SHROOM3: variants seen among roughly 807,000 people sequenced by gnomAD.
SHROOM3 encodes protein Shroom3.
In SHROOM3, 47 loss-of-function variants were observed where a neutral mutation model predicts 138.6. The ratio of observed to expected loss-of-function variants is 0.34; its 90% CI spans 0.27 to 0.43. SHROOM3 has a LOEUF of 0.43. SHROOM3 is among the 20% of genes least tolerant of loss of function. The pLI is 1.00. For missense variants in SHROOM3, 2,491 were observed against 2,596.5 expected (o/e 0.96, Z 0.88); for synonymous variants, 1,062 against 1,063.3 (o/e 1.00, Z 0.02).
At chr4:76,463,554 C>T (rs919868092) in intron 1 of SHROOM3, among the ~76,000 whole-genome samples, 1 of 152,088 alleles carries the variant, frequency 6.6e-6, no homozygotes, top group Admixed American at 6.6e-5. Flanking sequence ...AAGGAGGAGC[C>T]CAATGTTAAT....
chr4:76,561,332 T>C (rs1392066739), intron 2 of SHROOM3, among the ~76,000 whole-genome samples: 1 of 151,982 alleles, frequency 6.6e-6, no homozygotes, highest in Non-Finnish European at 1.5e-5. Context: ...AAAAGAGAGA[T>C]TGAGGAGAAA....
intron 7 of SHROOM3, 120 bp from the exon 8 acceptor site, chr4:76,756,329 C>T (rs534393477): frequency 7.1e-5 from 84 of 1,181,904 alleles, no homozygotes; most frequent in Non-Finnish European, 9.7e-5. Context: ...TGGAAAGCTA[C>T]AGCCCTGATG....
intron 1 of SHROOM3, among the ~76,000 whole-genome samples, chr4:76,547,218 G>A (rs2110024081): frequency 6.6e-6 from 1 of 152,298 alleles, no homozygotes; most frequent in African/African-American, 2.4e-5. Context: ...TGTTACTTTA[G>A]GGACAAATGT....
chr4:76,451,215 G>T (rs1032655092), intron 1 of SHROOM3, among the ~76,000 whole-genome samples: 2 of 152,152 alleles, frequency 1.3e-5, no homozygotes, highest in African/African-American at 2.4e-5. Context: ...CTCCCAAAGT[G>T]CTGGGATTAC....
chr4:76,721,305 C>T (rs1195363742), intron 3 of SHROOM3, among the ~76,000 whole-genome samples: 3 of 149,710 alleles, frequency 2.0e-5, no homozygotes, highest in East Asian at 4.0e-4. Context: ...AGCGAGACTC[C>T]GTCTCAAAAA....
At chr4:76,674,538 T>TTTCC (rs1172634143) in intron 2 of SHROOM3, among the ~76,000 whole-genome samples, 2 of 150,172 alleles carry the variant, frequency 1.3e-5, no homozygotes, top group Non-Finnish European at 3.0e-5. Flanking sequence ...TCTTTCTTTC[T>TTTCC]TTCCTTCCTT....
intron 2 of SHROOM3, among the ~76,000 whole-genome samples, chr4:76,590,059 A>G (rs1219848956): frequency 1.3e-5 from 2 of 152,190 alleles, no homozygotes; most frequent in African/African-American, 2.4e-5. Flanking sequence ...TTCCCTGAGC[A>G]GTTCTCTCTG....
Position 76,726,228 on chromosome 4 carries a change from GTT to G in SHROOM3, c.456-4573_456-4572del, listed in dbSNP as rs1720700181. Among the ~76,000 whole-genome samples the G allele has an allele frequency of 2.7e-5, 4 of 150,798 alleles. No individual in the cohort carries two copies. In the South Asian group the frequency reaches 8.3e-4, roughly 31 times the overall value. ...TCTGTGAGACTCCCATACTTAACTT[GTT>G]TTCCTCCTCCTTCTGTGGAAGCTCC... On this transcript the variant is annotated intron_variant, in intron 3 of 10. Transcript: ENST00000296043.
chr4:76,507,799 C>T (rs1732244638), intron 1 of SHROOM3, among the ~76,000 whole-genome samples: 1 of 152,132 alleles, frequency 6.6e-6, no homozygotes, highest in Admixed American at 6.5e-5. Flanking sequence ...CAGCCTCGGC[C>T]TCCCAAAGTG....
chr4:76,616,919 G>A (rs1213966874), intron 2 of SHROOM3, among the ~76,000 whole-genome samples: 1 of 152,168 alleles, frequency 6.6e-6, no homozygotes, highest in Non-Finnish European at 1.5e-5. Context: ...AGTTAACATG[G>A]AACAGATAGT....
chr4:76,489,945 T>A (rs1269381949), intron 1 of SHROOM3, among the ~76,000 whole-genome samples: 1 of 152,152 alleles, frequency 6.6e-6, no homozygotes, highest in Non-Finnish European at 1.5e-5. Context: ...AAAACGAAAG[T>A]ACCCTCCACA....
intron 2 of SHROOM3, among the ~76,000 whole-genome samples, chr4:76,647,385 G>T (rs572070438): frequency 6.6e-6 from 1 of 152,082 alleles, no homozygotes; most frequent in Non-Finnish European, 1.5e-5. Context: ...ACAATGTATT[G>T]TGTATTTCAC....
At chr4:76,588,166 G>C (rs978122632) in intron 2 of SHROOM3, among the ~76,000 whole-genome samples, 1 of 152,080 alleles carries the variant, frequency 6.6e-6, no homozygotes, top group African/African-American at 2.4e-5. Flanking sequence ...CAAACCCCAC[G>C]TTTCATATTA....
At chr4:76,542,147 C>T (rs1472208108) in intron 1 of SHROOM3, among the ~76,000 whole-genome samples, 1 of 152,226 alleles carries the variant, frequency 6.6e-6, no homozygotes, top group African/African-American at 2.4e-5. Flanking sequence ...AGTCTACTTT[C>T]ATTCCCTCAA....
At chr4:76,537,947 G>A (rs1463147734) in intron 1 of SHROOM3, among the ~76,000 whole-genome samples, 4 of 152,196 alleles carry the variant, frequency 2.6e-5, no homozygotes, top group African/African-American at 9.6e-5. Flanking sequence ...TCCCTCTGTT[G>A]CCCAGGCTGG....
chr4:76,605,205 G>A (rs770968164), intron 2 of SHROOM3, among the ~76,000 whole-genome samples: 13 of 152,122 alleles, frequency 8.5e-5, no homozygotes, highest in East Asian at 1.9e-4. Flanking sequence ...CAATGTTGTC[G>A]GTGCAGCAGT....
rs1722769614 is a variant in SHROOM3 at position 76,782,898 on chromosome 4, T to C, written c.*3721T>C. 1 of 152,234 alleles carries C rather than the reference T, an allele frequency of 6.6e-6. No homozygotes were observed. The highest frequency in any genetic ancestry group is 1.5e-5 in the Non-Finnish European group (1 of 68,042). 9.4% of individuals were successfully genotyped at this position (152,234 alleles called of 1,614,324 possible). On this transcript the variant is annotated 3_prime_UTR_variant, in exon 11 of 11. Coordinates refer to ENST00000296043, the MANE Select transcript of SHROOM3 (RefSeq NM_020859.4). The stretch of plus-strand genomic sequence containing the variant: ...ATTTTAATATCAGAAAGGGTTGTCT[T>C]ATTAATTTTTAAATAAAACTTCACA...
At chr4:76,461,170 G>A (rs372709808) in intron 1 of SHROOM3, among the ~76,000 whole-genome samples, 1 of 152,074 alleles carries the variant, frequency 6.6e-6, no homozygotes, top group African/African-American at 2.4e-5. Flanking sequence ...AATTTTGGGA[G>A]AACATAGTTC....
intron 2 of SHROOM3, among the ~76,000 whole-genome samples, chr4:76,603,835 ATTCTTTTTT>A (rs1465655933): frequency 2.6e-5 from 3 of 114,128 alleles, no homozygotes; most frequent in Middle Eastern, 0.011. Flanking sequence ...AGCATCTTGT[ATTCTTTTTT>A]TTTTTTTTTT....
Sources: gnomAD v4.1 joint callset for allele counts (sites outside exome capture counted in the v4.1 genomes callset) on GRCh38, gnomAD v4.1.1 for gene constraint, MANE v1.5 for transcripts, NCBI Gene and HGNC (gene_info 2026-07-23, HGNC 2026-07-21) for gene names.